Variants in CCDC122 observed in about 807,000 individuals in gnomAD.
CCDC122 encodes coiled-coil domain-containing protein 122.
In CCDC122, 38 loss-of-function variants were observed where a neutral mutation model predicts 37.0. The observed-to-expected ratio is 1.03, with a 90% CI of 0.79 to 1.35. The LOEUF (loss-of-function observed/expected upper bound fraction) is 1.35, where lower values mean the gene tolerates loss of function less well. Among genes scored for constraint, CCDC122 ranks in the 40% most tolerant of loss-of-function variants. CCDC122 has a pLI of 0.00. For synonymous variants in CCDC122, 83 were observed against 95.6 expected, an observed-to-expected ratio of 0.87 and a Z score of 0.77; for missense variants, 305 against 310.0, an observed-to-expected ratio of 0.98 and a Z score of 0.12.
chr13:43,819,215 A>C (rs545219662), downstream of CCDC122, among the ~76,000 whole-genome samples: 1 of 152,330 alleles, frequency 6.6e-6, no homozygotes, highest in East Asian at 1.9e-4. Flanking sequence ...AGAAGCAAAC[A>C]GTCTCATACA....
intron 4 of CCDC122, among the ~76,000 whole-genome samples, chr13:43,866,335 T>C (rs1954276529): frequency 6.6e-6 from 1 of 152,100 alleles, no homozygotes; most frequent in Non-Finnish European, 1.5e-5. Context: ...AATCAGAAAA[T>C]TGGTTGTTAG....
At chr13:43,849,709 G>GA (rs1299878184) in intron 6 of CCDC122, among the ~76,000 whole-genome samples, 1 of 152,182 alleles carries the variant, frequency 6.6e-6, no homozygotes, top group South Asian at 2.1e-4. Context: ...AAACACTACA[G>GA]AAAAAACTAT....
intron 6 of CCDC122, chr13:43,854,127 C>T (rs1052730349): frequency 4.7e-5 from 7 of 147,736 alleles, no homozygotes; most frequent in East Asian, 4.0e-4. Flanking sequence ...AAGACAATAA[C>T]CAAAATCAGA....
At chr13:43,856,664 T>A (rs1658652218) in intron 6 of CCDC122, 1 of 152,424 alleles carries the variant, frequency 6.6e-6, no homozygotes, top group African/African-American at 2.4e-5. Context: ...AATCTCTCAA[T>A]AATTTGTTTT....
In CCDC122 at chr13:43,869,325, C is replaced by G; in HGVS notation, c.46+6G>C. 1 of 1,595,204 alleles carries G rather than the reference C, an allele frequency of 6.3e-7. No homozygotes were observed. Among genetic ancestry groups the G allele is most frequent in the African/African-American group, 1.3e-5 (1 of 74,554 alleles). On this transcript the variant is annotated splice_donor_region_variant and intron_variant, in intron 3 of 6. Coordinates refer to ENST00000444614, the MANE Select transcript of CCDC122 (RefSeq NM_144974.5). ...AATTATTTATTTCTTAAGACTGTTT[C>G]ATTACCTTCTTTAGGAAATCCTTGA...
Position 43,859,845 on chromosome 13 carries a change from A to G in CCDC122, c.382T>C (p.Tyr128His). Residue 128 changes from tyrosine (Y) to histidine (H), a missense_variant, in exon 5 of 7, where the codon TAT becomes CAT. Tyr to His is a moderately conservative substitution (Grantham distance 83). Transcript: ENST00000444614. Reference protein sequence around the residue: ...FEEHMIKYNAYYAKIKAHKNS... With the variant: ...FEEHMIKYNAHYAKIKAHKNS... The stretch of plus-strand genomic sequence containing the variant: ...TTATGTGCTTTTATTTTTGCATAAT[A>G]TGCATTATATTTTATCATGTGTTCC... 1 of 1,607,870 alleles carries G rather than the reference A, an allele frequency of 6.2e-7. No homozygotes were observed. The highest frequency in any genetic ancestry group is 8.5e-7 in the Non-Finnish European group (1 of 1,177,818).
At chr13:43,872,441 G>A (rs1401508962) in intron 2 of CCDC122, among the ~76,000 whole-genome samples, 1 of 151,962 alleles carries the variant, frequency 6.6e-6, no homozygotes, top group Non-Finnish European at 1.5e-5. Context: ...CTTGATCCTA[G>A]GCTCTTAACA....
chr13:43,871,143 T>C lies in CCDC122; in HGVS notation c.-113-1654A>G, dbSNP rs12584380. On this transcript the variant is annotated intron_variant, in intron 2 of 6. Transcript: ENST00000444614. ...ACCTGCACAGTTCAAACCTGTGTTG[T>C]TCAAGGGTCCACTATATTTTGTATT... Among the ~76,000 whole-genome samples the C allele has an allele frequency of 1.4e-3, 219 of 152,270 alleles. 1 individual carries two copies. The highest frequency in any genetic ancestry group is 2.4e-3 in the Non-Finnish European group (162 of 67,984).
intron 6 of CCDC122, among the ~76,000 whole-genome samples, chr13:43,846,721 T>C (rs1156864944): frequency 1.3e-5 from 2 of 152,152 alleles, no homozygotes; most frequent in East Asian, 1.9e-4. Flanking sequence ...ATTCTAATTG[T>C]TTCCCAACTG....
intron 1 of CCDC122, 88 bp downstream of exon 1, chr13:43,879,543 C>T (rs1404156880): frequency 6.6e-6 from 1 of 152,330 alleles, no homozygotes; most frequent in Non-Finnish European, 1.5e-5. Context: ...GCAGCGGGCT[C>T]GCGGCGCTTG....
chr13:43,852,031 T>A (rs528178648), intron 6 of CCDC122, among the ~76,000 whole-genome samples: 4 of 151,684 alleles, frequency 2.6e-5, no homozygotes, highest in African/African-American at 7.3e-5. Context: ...CCCATAAAGA[T>A]GAGGAAGAAC....
intron 6 of CCDC122, chr13:43,848,613 G>A (rs1353907497): frequency 6.4e-6 from 1 of 157,434 alleles, no homozygotes; most frequent in East Asian, 1.9e-4. Context: ...ATACTGGGGG[G>A]AAGGACATTT....
intron 6 of CCDC122, among the ~76,000 whole-genome samples, chr13:43,850,354 A>G (rs1158951143): frequency 1.3e-5 from 2 of 152,250 alleles, no homozygotes; most frequent in African/African-American, 4.8e-5. Context: ...ACACGAACAT[A>G]ACACAGAAGT....
At chr13:43,877,492 T>G (rs1954655113) in intron 1 of CCDC122, among the ~76,000 whole-genome samples, 1 of 152,228 alleles carries the variant, frequency 6.6e-6, no homozygotes, top group Non-Finnish European at 1.5e-5. Flanking sequence ...TTTTTTCCAC[T>G]TATTTCTTGG....
chr13:43,841,590 T>G (rs188370854), intron 6 of CCDC122, among the ~76,000 whole-genome samples: 1 of 152,238 alleles, frequency 6.6e-6, no homozygotes, highest in Non-Finnish European at 1.5e-5. Context: ...AAAAAATGAC[T>G]GTATGACTTT....
At chr13:43,834,229 A>G (rs1001079267), downstream of CCDC122, among the ~76,000 whole-genome samples, 2 of 152,214 alleles carry the variant, frequency 1.3e-5, no homozygotes, top group African/African-American at 4.8e-5. Flanking sequence ...TATTTAATAA[A>G]TGGTGCTGGG....
chr13:43,862,997 T>C (rs1236343193), intron 4 of CCDC122, among the ~76,000 whole-genome samples: 1 of 152,066 alleles, frequency 6.6e-6, no homozygotes, highest in South Asian at 2.1e-4. Context: ...TTTCCCCTTC[T>C]TCTCTCTCCT....
chr13:43,833,985 T>G (rs1210963329), downstream of CCDC122, among the ~76,000 whole-genome samples: 1 of 152,148 alleles, frequency 6.6e-6, no homozygotes, highest in Non-Finnish European at 1.5e-5. Flanking sequence ...AATATTAGAG[T>G]TTATGATTGT....
At chr13:43,869,248 A>G in intron 3 of CCDC122, 83 bp downstream of exon 3, 1 of 1,028,752 alleles carries the variant, frequency 9.7e-7, no homozygotes. Context: ...TTTGCTATCA[A>G]TTTTAACACA....
Sources: gnomAD v4.1 joint callset for allele counts (sites outside exome capture counted in the v4.1 genomes callset) on GRCh38, gnomAD v4.1.1 for gene constraint, MANE v1.5 for transcripts, NCBI Gene and HGNC (gene_info 2026-07-23, HGNC 2026-07-21) for gene names.